The following DMD variants were observed in gnomAD, a reference collection of about 807,000 sequenced individuals.
DMD encodes mutant dystrophin.
DMD carries 63 observed loss-of-function variants against 330.1 expected under a neutral mutation model. That is an observed-to-expected ratio of 0.19 (90% CI 0.16 to 0.24). The LOEUF is 0.24. Ranked by LOEUF, DMD falls within the 10% of genes least tolerant of loss-of-function variation. The pLI is 1.00. For missense variants in DMD, 3,344 were observed against 2,684.1 expected (o/e 1.25, Z -5.43); for synonymous variants, 1,223 against 959.8 (o/e 1.27, Z -5.07).
chrX:32,732,401 A>T (rs986726896), intron 7 of DMD, among the ~76,000 whole-genome samples: 15 of 110,544 alleles, frequency 1.4e-4, no homozygotes, highest in Non-Finnish European at 2.6e-4. Flanking sequence ...AGATTCAGGA[A>T]ATACAGAGAA....
At chrX:32,292,195 C>T (rs1487141776) in intron 42 of DMD, among the ~76,000 whole-genome samples, 5 of 110,205 alleles carry the variant, frequency 4.5e-5, no homozygotes, top group Non-Finnish European at 1.9e-5. Flanking sequence ...AAACATCTTG[C>T]CCTGAGATGC....
intron 60 of DMD, among the ~76,000 whole-genome samples, chrX:31,428,938 G>A (rs2063869513): frequency 9.0e-6 from 1 of 110,670 alleles, no homozygotes; most frequent in Non-Finnish European, 1.9e-5. Flanking sequence ...TGGCCAGCAT[G>A]GTGAAACCCC....
chrX:32,843,076 G>A (rs377173544), intron 4 of DMD, among the ~76,000 whole-genome samples: 31 of 112,112 alleles, frequency 2.8e-4, no homozygotes, highest in East Asian at 2.0e-3. Flanking sequence ...CCACAGTGCT[G>A]GGATTACAGG....
rs1398207561 is a variant in DMD, at chrX:31,120,792, T to TA, written c.*1126dup. On this transcript the variant is annotated 3_prime_UTR_variant, in exon 79 of 79. Coordinates refer to ENST00000357033, the MANE Select transcript of DMD (RefSeq NM_004006.3). ...CCTTCTGATGTTCACAAGGTCAGAA[T>TA]ACCTTCTGATTGATTTCCACTGAAG... The TA allele has an allele frequency of 9.0e-6, 1 of 110,591 alleles. No homozygotes were observed. 9.1% of individuals were successfully genotyped at this position (110,591 alleles called of 1,213,427 possible).
chrX:32,580,539 T>A (rs953310769), intron 13 of DMD, among the ~76,000 whole-genome samples: 2 of 111,685 alleles, frequency 1.8e-5, no homozygotes, highest in African/African-American at 6.5e-5. Flanking sequence ...GTCAGATAGA[T>A]CAATAAATGT....
chrX:33,036,982 G>T (rs2094214971), intron 1 of DMD, among the ~76,000 whole-genome samples: 1 of 111,104 alleles, frequency 9.0e-6, no homozygotes, highest in South Asian at 3.7e-4. Context: ...AAGCCAATCT[G>T]CAATAAAAAA....
At chrX:32,491,130 G>C in intron 20 of DMD, 147 bp downstream of exon 20, 1 of 722,903 alleles carries the variant, frequency 1.4e-6, no homozygotes, top group Non-Finnish European at 2.1e-6. Context: ...ACAGATTTCT[G>C]TTGCTTACAT....
chrX:32,424,835 T>A (rs927919652), intron 29 of DMD, among the ~76,000 whole-genome samples: 4 of 110,378 alleles, frequency 3.6e-5, no homozygotes, highest in African/African-American at 1.3e-4. Flanking sequence ...TTTGACATAC[T>A]GGCGGTAACC....
At chrX:33,010,204 G>GTGTGTATATATGTACA (rs1557208488) in intron 2 of DMD, among the ~76,000 whole-genome samples, 3 of 89,725 alleles carry the variant, frequency 3.3e-5, no homozygotes, top group Non-Finnish European at 6.2e-5. Context: ...ATATGCATAT[G>GTGTGTATATATGTACA]TGTGTGTATA....
chrX:31,372,823 G>A (rs1050104342), intron 60 of DMD, among the ~76,000 whole-genome samples: 2 of 110,857 alleles, frequency 1.8e-5, no homozygotes, highest in Non-Finnish European at 3.8e-5. Context: ...TTCTGGCCAG[G>A]GCAATCAGGC....
At chrX:32,722,866 C>T (rs1338992340) in intron 7 of DMD, among the ~76,000 whole-genome samples, 1 of 110,304 alleles carries the variant, frequency 9.1e-6, no homozygotes, top group African/African-American at 3.3e-5. Context: ...ACGATCATAC[C>T]ATTTGCAAAC....
chrX:31,244,541 TTTTC>T (rs761097553), intron 63 of DMD, among the ~76,000 whole-genome samples: 16 of 111,987 alleles, frequency 1.4e-4, no homozygotes, highest in African/African-American at 4.5e-4. Flanking sequence ...CGAATTTGAC[TTTTC>T]TTTGTCACAA....
Position 32,501,841 on chromosome X carries a change from G to A in DMD, c.2294C>T (p.Ala765Val), listed in dbSNP as rs1400599851. The A allele has an allele frequency of 8.4e-7, 1 of 1,194,541 alleles. No homozygotes were observed. The highest frequency in any genetic ancestry group is 1.1e-6 in the Non-Finnish European group (1 of 882,448). ...CTTCTCAGCTTTTTCTCGCTCTATG[G>A]CCTGCAGCATGAGAGCAAAGATGAG... ...NFSDLKEKVN[A>V]IEREKAEKFR... Residue 765 changes from alanine to valine, a missense_variant and splice_region_variant, in exon 19 of 79, where the codon GCC becomes GTC. Physicochemically the swap from Ala to Val is moderately conservative, Grantham distance 64. Transcript: ENST00000357033.
Position 32,733,775 on chromosome X carries a change from G to A in DMD, c.650-34482C>T, listed in dbSNP as rs1181922681. The stretch of plus-strand genomic sequence containing the variant: ...ACACATTCAAAGCAGTGTGTAGAGG[G>A]AAATTTATAGCACTAAATGCCCACA... On this transcript the variant is annotated intron_variant, in intron 7 of 78. Coordinates refer to ENST00000357033, the MANE Select transcript of DMD (RefSeq NM_004006.3). 8.5e-5 allele frequency among the ~76,000 whole-genome samples: 9 copies of A among 106,168 alleles called. No individual in the cohort carries two copies. The Admixed American group carries it at 9.2e-4, about 11-fold the overall frequency. 92.2% of individuals were successfully genotyped at this position (106,168 alleles called of 115,157 possible).
chrX:32,699,070 C>G, intron 8 of DMD, 42 bp downstream of exon 8: 1 of 1,145,276 alleles, frequency 8.7e-7, no homozygotes. Context: ...GCATATAAAA[C>G]AGAAAACATC....
intron 9 of DMD, among the ~76,000 whole-genome samples, chrX:32,680,305 C>G (rs763018687): frequency 3.6e-5 from 4 of 111,228 alleles, no homozygotes; most frequent in Non-Finnish European, 7.5e-5. Flanking sequence ...TTTAACGTAA[C>G]GTTTAGAAAC....
At chrX:32,146,846 C>G (rs1287109799) in intron 44 of DMD, among the ~76,000 whole-genome samples, 1 of 111,554 alleles carries the variant, frequency 9.0e-6, no homozygotes, top group Non-Finnish European at 1.9e-5. Context: ...GATGAGACAA[C>G]CAAGACTTAA....
chrX:32,312,941 CCA>C (rs1491406904), intron 41 of DMD, among the ~76,000 whole-genome samples: 1 of 19,173 alleles, frequency 5.2e-5, no homozygotes, highest in Non-Finnish European at 1.1e-4. Flanking sequence ...AGCCTACGAA[CCA>C]AAAAAAAAAA....
chrX:32,607,642 C>A (rs188326784), intron 12 of DMD, among the ~76,000 whole-genome samples: 4 of 110,038 alleles, frequency 3.6e-5, no homozygotes, highest in African/African-American at 9.8e-5. Context: ...TATTTTAACA[C>A]GGGATTGGAT....
Sources: allele counts gnomAD v4.1 joint callset (sites outside exome capture counted in the v4.1 genomes callset), GRCh38; gene constraint gnomAD v4.1.1; transcripts MANE v1.5; gene names NCBI Gene and HGNC (gene_info 2026-07-23, HGNC 2026-07-21).